Variants in PRH1 observed in about 807,000 individuals in gnomAD.
PRH1 encodes salivary acidic proline-rich phosphoprotein 1/2.
PRH1 carries 7 observed loss-of-function variants against 7.9 expected under a neutral mutation model. The observed-to-expected ratio is 0.89, with a 90% CI of 0.50 to 1.67. The LOEUF (loss-of-function observed/expected upper bound fraction) is 1.67. PRH1 is among the 40% of genes most tolerant of loss of function. The probability of loss-of-function intolerance (pLI) is 0.00; values close to 1 mark genes in which losing one functional copy is unlikely to be tolerated. For missense variants in PRH1, 109 were observed against 223.6 expected (o/e 0.49, Z 3.27); for synonymous variants, 45 against 80.8 (o/e 0.56, Z 2.38).
chr12:11,049,467 T>A (rs933059488), upstream of PRH1, among the ~76,000 whole-genome samples: 11 of 152,278 alleles, frequency 7.2e-5, no homozygotes, highest in South Asian at 2.1e-4. Flanking sequence ...TAGAAAATAT[T>A]CTTATTCTCA....
chr12:11,000,021 ATAC>A (rs1465010067), intron 1 of PRH1, among the ~76,000 whole-genome samples: 2 of 152,260 alleles, frequency 1.3e-5, no homozygotes, highest in African/African-American at 4.8e-5. Context: ...ATTATGAATA[ATAC>A]TACTATCAGC....
At chr12:10,973,785 AG>A in intron 1 of PRH1, 1 of 744,682 alleles carries the variant, frequency 1.3e-6, no homozygotes, top group Non-Finnish European at 2.5e-6. Context: ...TGTGCAAACA[AG>A]GAGGGCCAGC....
At chr12:10,899,280 AT>A (rs34976813) in intron 2 of PRH1, among the ~76,000 whole-genome samples, 75,432 of 151,684 alleles carry the variant, frequency 0.5, 20,987 homozygotes, top group East Asian at 0.73. Context: ...GAAAGATTAC[AT>A]TTTTTTTTAT....
In PRH1 at chr12:11,134,071, C is replaced by T. The variant is rs776753536; in HGVS notation, n.40-12891G>A. The T allele has an allele frequency of 3.1e-6, 5 of 1,614,094 alleles. No homozygotes were observed. In the East Asian group the frequency reaches 6.7e-5, roughly 22 times the overall value. ...ACCAATGTAGTAATAACACCCAGAG[C>T]AAACCAACTCTGGAGACCGCCAGAG... On this transcript the variant is annotated intron_variant and non_coding_transcript_variant, in intron 1 of 1. Coordinates refer to the PRH1 transcript ENST00000541175.
At chr12:10,885,127 G>T (rs957767116), upstream of PRH1, among the ~76,000 whole-genome samples, 13 of 151,998 alleles carry the variant, frequency 8.6e-5, no homozygotes, top group Non-Finnish European at 1.6e-4. Context: ...AATAAATATT[G>T]TAATTGTCAT....
At chr12:11,030,321 A>C (rs1204552494) in intron 1 of PRH1, 27 of 1,537,008 alleles carry the variant, frequency 1.8e-5, no homozygotes, top group Non-Finnish European at 2.4e-5. Context: ...CATACAGTAT[A>C]GAAAAACCAG....
rs1026504892 is a variant in PRH1 at position 10,986,442 on chromosome 12, A to C, written c.-125-12721T>G. The C allele has an allele frequency of 1.9e-6, 3 of 1,613,970 alleles. No individual in the cohort carries two copies. The African/African-American group carries it at 4.0e-5, about 22-fold the overall frequency. The stretch of plus-strand genomic sequence containing the variant: ...GTTTGCCACAAGAAGATGACAAACC[A>C]AAAATATCAAAGTCCCCAACAGTAT... On this transcript the variant is annotated intron_variant, in intron 1 of 3. Transcript: ENST00000539853.
intron 1 of PRH1, among the ~76,000 whole-genome samples, chr12:11,032,206 C>A (rs553858165): frequency 2.7e-4 from 41 of 152,280 alleles, no homozygotes; most frequent in East Asian, 7.7e-4. Context: ...CCTTGTGTAA[C>A]CTCTCCATCA....
At chr12:11,152,848 T>G (rs1947141172) in intron 1 of PRH1, among the ~76,000 whole-genome samples, 1 of 152,212 alleles carries the variant, frequency 6.6e-6, no homozygotes, top group African/African-American at 2.4e-5. Flanking sequence ...ATGATCACCA[T>G]GAGAATAGCC....
Position 11,077,823 on chromosome 12 carries a change from C to A in PRH1, n.124-30635G>T, listed in dbSNP as rs137940338. On this transcript the variant is annotated intron_variant and non_coding_transcript_variant, in intron 1 of 4. Coordinates refer to the PRH1 transcript ENST00000541977. ...TGGTTATCACAGCAAGATTACAAATCAAAAATACCAAGGGACCCAACAGTA... is the reference window on the plus strand; with the variant it reads ...TGGTTATCACAGCAAGATTACAAATAAAAAATACCAAGGGACCCAACAGTA... 1.0e-3 allele frequency: 1,085 copies of A among 1,067,476 alleles called. 59 individuals carry two copies. The African/African-American group carries it at 0.014, about 14-fold the overall frequency. 66.1% of individuals were successfully genotyped at this position (1,067,476 alleles called of 1,614,324 possible).
At chr12:10,929,324 G>A in intron 2 of PRH1, 1 of 1,614,136 alleles carries the variant, frequency 6.2e-7, no homozygotes, top group Non-Finnish European at 8.5e-7. Flanking sequence ...GCTCAGCTCA[G>A]GACTTAGATG....
chr12:10,891,333 A>T (rs10492099), intron 2 of PRH1: 2 of 152,014 alleles, frequency 1.3e-5, no homozygotes, highest in Admixed American at 6.5e-5. Context: ...GAGATCTTTA[A>T]TCTGTCTACC....
At chr12:10,963,017 A>G (rs1591734731) in intron 2 of PRH1, among the ~76,000 whole-genome samples, 1 of 152,234 alleles carries the variant, frequency 6.6e-6, no homozygotes, top group East Asian at 1.9e-4. Context: ...TGATCCGCCC[A>G]CCTCGGCCTC....
intron 2 of PRH1, among the ~76,000 whole-genome samples, chr12:10,957,657 G>A (rs1469153752): frequency 1.3e-5 from 2 of 151,900 alleles, no homozygotes; most frequent in Admixed American, 6.6e-5. Flanking sequence ...AAAATATTTC[G>A]TAAACTATGC....
chr12:10,997,928 C>T, intron 1 of PRH1: 1 of 1,189,366 alleles, frequency 8.4e-7, no homozygotes, highest in African/African-American at 1.5e-5. Context: ...CTGATGGTGA[C>T]TCCTCTGATA....
At chr12:11,038,784 G>A (rs1288328749) in intron 1 of PRH1, among the ~76,000 whole-genome samples, 5 of 152,202 alleles carry the variant, frequency 3.3e-5, no homozygotes, top group Non-Finnish European at 5.9e-5. Flanking sequence ...TATAAATGCT[G>A]GGTCTTAGGA....
downstream of PRH1, among the ~76,000 whole-genome samples, chr12:11,118,387 T>A (rs1945790907): frequency 6.6e-6 from 1 of 152,164 alleles, no homozygotes; most frequent in African/African-American, 2.4e-5. Context: ...CTCATCCCAG[T>A]TAAAACAGCT....
At chr12:10,928,766 T>A (rs1004108685) in intron 2 of PRH1, among the ~76,000 whole-genome samples, 4 of 152,088 alleles carry the variant, frequency 2.6e-5, no homozygotes, top group African/African-American at 9.7e-5. Context: ...TATACAAATA[T>A]CCATGCACAC....
chr12:10,892,913 T>G (rs10772380), intron 2 of PRH1, among the ~76,000 whole-genome samples: 97,091 of 152,070 alleles, frequency 0.64, 33,532 homozygotes, highest in South Asian at 0.81. Context: ...GGCCTGCTTG[T>G]AAGCAAGTGT....
Sources: allele counts gnomAD v4.1 joint callset (sites outside exome capture counted in the v4.1 genomes callset), GRCh38; gene constraint gnomAD v4.1.1; transcripts MANE v1.5; gene names NCBI Gene and HGNC (gene_info 2026-07-23, HGNC 2026-07-21).